Variants in PRDM7 observed in about 807,000 individuals in gnomAD.
The protein encoded by PRDM7 is histone-lysine N-methyltransferase PRDM7.
In PRDM7, 52 loss-of-function variants were observed where a neutral mutation model predicts 64.3. The observed-to-expected ratio is 0.81, with a 90% CI of 0.65 to 1.02. PRDM7 has a LOEUF of 1.02. PRDM7 is among the 50% of genes least tolerant of loss of function. The pLI is 0.00. For synonymous variants in PRDM7, 192 were observed against 210.1 expected, an observed-to-expected ratio of 0.91 and a Z score of 0.74; for missense variants, 574 against 597.1, an observed-to-expected ratio of 0.96 and a Z score of 0.40.
intron 4 of PRDM7, among the ~76,000 whole-genome samples, chr16:90,073,941 C>T (rs1212589934): frequency 6.6e-6 from 1 of 151,714 alleles, no homozygotes; most frequent in Non-Finnish European, 1.5e-5. Context: ...CATCACCATG[C>T]CCAGCTATCT....
At chr16:90,065,463 G>A (rs888207523) in intron 5 of PRDM7, among the ~76,000 whole-genome samples, 18 of 144,742 alleles carry the variant, frequency 1.2e-4, no homozygotes, top group African/African-American at 2.4e-4. Context: ...GACTGGGTGC[G>A]GTGGCTCACA....
At chr16:90,071,744 T>C (rs1172841173) in intron 4 of PRDM7, among the ~76,000 whole-genome samples, 2 of 152,188 alleles carry the variant, frequency 1.3e-5, no homozygotes, top group Non-Finnish European at 2.9e-5. Flanking sequence ...GCAATTAAGT[T>C]TCCAATACAT....
At position 90,075,088 on chromosome 16, in the gene PRDM7, G is replaced by C; in HGVS notation, c.194-65C>G. 6 of 1,544,176 alleles carry C rather than the reference G, an allele frequency of 3.9e-6. No homozygotes were observed. Among genetic ancestry groups the C allele is most frequent in the Non-Finnish European group, 4.5e-6 (5 of 1,118,658 alleles). The stretch of plus-strand genomic sequence containing the variant: ...CTGGGATGAGGAACAAAGGGCAGTG[G>C]CAATGGAAAGCACCACAAAGCCAGT... On this transcript the variant is annotated intron_variant, in intron 3 of 10. Coordinates refer to ENST00000449207, the MANE Select transcript of PRDM7 (RefSeq NM_001098173.2). This position sits in a 1 kb window ranked among gnomAD's most constrained non-coding sequence, Gnocchi z 4.3.
In PRDM7 at chr16:90,056,775, G is replaced by A. The variant is rs1338091264; in HGVS notation, c.*1514C>T. ...GTCAGAGTGGAACAGAACAGACCGG[G>A]AAGTTTCACAATGTCTTTCTATAAT... is the stretch of plus-strand genomic sequence containing the variant. On this transcript the variant is annotated 3_prime_UTR_variant, in exon 11 of 11. Coordinates refer to ENST00000449207, the MANE Select transcript of PRDM7 (RefSeq NM_001098173.2). 6.6e-6 allele frequency: 1 copy of A among 152,178 alleles called. No homozygotes were observed. The highest frequency in any genetic ancestry group is 1.5e-5 in the Non-Finnish European group (1 of 68,056). The allele number at this position is 152,178 out of a possible 1,614,324, so 9.4% of individuals were successfully genotyped here.
At chr16:90,061,895 C>G (rs775368928) in intron 8 of PRDM7, 26 bp downstream of exon 8, 1 of 1,614,114 alleles carries the variant, frequency 6.2e-7, no homozygotes. Context: ...GAAGACAGAA[C>G]AGGGGAAACA....
chr16:90,068,285 TAAATA>T (rs1214290270), intron 4 of PRDM7, among the ~76,000 whole-genome samples: 5 of 141,048 alleles, frequency 3.5e-5, no homozygotes, highest in African/African-American at 1.4e-4. Flanking sequence ...TCTAAAAAAA[TAAATA>T]AAAATAAAAA....
intron 5 of PRDM7, among the ~76,000 whole-genome samples, chr16:90,065,921 G>A (rs990834172): frequency 6.6e-6 from 1 of 151,144 alleles, no homozygotes; most frequent in Non-Finnish European, 1.5e-5. Flanking sequence ...GAGGCCCTGA[G>A]CTGGGCTTGG....
At chr16:90,061,876 G>A (rs1166346590) in intron 8 of PRDM7, 45 bp downstream of exon 8, 1 of 1,612,514 alleles carries the variant, frequency 6.2e-7, no homozygotes, top group African/African-American at 1.3e-5. Context: ...AGGCACAGAA[G>A]GGATGTGGGA....
In PRDM7 at chr16:90,056,863, C is replaced by T. The variant is rs568233643; in HGVS notation, c.*1426G>A. ...TTTAACTACCAGGCTTAGGTCAGGCCGGCCCAGGCCTGGTTTCGGGTCTGG... is the reference window on the plus strand; with the variant it reads ...TTTAACTACCAGGCTTAGGTCAGGCTGGCCCAGGCCTGGTTTCGGGTCTGG... On this transcript the variant is annotated 3_prime_UTR_variant, in exon 11 of 11. Coordinates refer to ENST00000449207, the MANE Select transcript of PRDM7 (RefSeq NM_001098173.2). The T allele has an allele frequency of 8.5e-5, 13 of 152,322 alleles. No homozygotes were observed. The highest frequency in any genetic ancestry group is 3.4e-3 in the Middle Eastern group (1 of 294). 9.4% of individuals were successfully genotyped at this position (152,322 alleles called of 1,614,324 possible).
intron 8 of PRDM7, 128 bp downstream of exon 8, chr16:90,061,793 A>T: frequency 1.4e-6 from 2 of 1,439,082 alleles, no homozygotes; most frequent in Non-Finnish European, 1.9e-6. Flanking sequence ...TCATGCAAAG[A>T]CCCTTGAGTA....
intron 4 of PRDM7, among the ~76,000 whole-genome samples, chr16:90,069,685 T>A (rs1351598027): frequency 2.0e-5 from 3 of 151,008 alleles, no homozygotes; most frequent in Admixed American, 6.6e-5. Flanking sequence ...GGTGGGAGGA[T>A]CACTTGAACC....
chr16:90,060,713 C>A (rs2037761515), intron 9 of PRDM7, 90 bp from the exon 10 acceptor site: 5 of 1,556,264 alleles, frequency 3.2e-6, no homozygotes, highest in Middle Eastern at 1.7e-4. Context: ...TAGAATGCTT[C>A]CCTGCTGTGC....
chr16:90,068,736 G>T (rs1567878807), intron 4 of PRDM7, among the ~76,000 whole-genome samples: 1 of 149,856 alleles, frequency 6.7e-6, no homozygotes, highest in African/African-American at 2.5e-5. Context: ...AATCCAAAAA[G>T]GAAATTAAGA....
chr16:90,074,929 T>C lies in PRDM7; in HGVS notation c.288A>G (p.Thr96=). Residue 96 remains threonine, a synonymous_variant, in exon 4 of 11, where the codon ACA becomes ACG. Transcript: ENST00000449207. ...CTTCCCTCTTACCTTGCTGCCTAGG[T>C]GTCCATTCTTCATCGGAATCTTCTG... ...DDTEDSDEEW[T]PRQQVKPPWM... is the part of the protein sequence containing the mutation. 2 of 1,613,912 alleles carry C rather than the reference T, an allele frequency of 1.2e-6. No homozygotes were observed. Among genetic ancestry groups the C allele is most frequent in the Non-Finnish European group, 1.7e-6 (2 of 1,179,946 alleles).
chr16:90,071,729 C>A (rs1026878289), intron 4 of PRDM7, among the ~76,000 whole-genome samples: 7 of 152,196 alleles, frequency 4.6e-5, no homozygotes, highest in Admixed American at 4.6e-4. Context: ...AATACTGTTA[C>A]AATGGCAATT....
At chr16:90,070,009 C>T (rs1038699027) in intron 4 of PRDM7, 2 of 158,076 alleles carry the variant, frequency 1.3e-5, no homozygotes, top group African/African-American at 5.0e-5. Flanking sequence ...GAGCTGAGAT[C>T]ACGCCATTGC....
chr16:90,074,039 G>A (rs1385436870), intron 4 of PRDM7, among the ~76,000 whole-genome samples: 4 of 151,942 alleles, frequency 2.6e-5, no homozygotes, highest in African/African-American at 9.7e-5. Context: ...GGTTGCCTCA[G>A]CCTCCCAAAG....
chr16:90,065,714 G>A lies in PRDM7; in HGVS notation c.351+1147C>T, dbSNP rs138873180. On this transcript the variant is annotated intron_variant, in intron 5 of 10. Coordinates refer to ENST00000449207, the MANE Select transcript of PRDM7 (RefSeq NM_001098173.2). ...TGAGCCATTGCACTGCAGCCTTGGC[G>A]CAAGAGCCAGACTCTGTCTCAAACT... 1.2e-4 allele frequency among the ~76,000 whole-genome samples: 18 copies of A among 151,408 alleles called. 2 individuals are homozygous for A. Among genetic ancestry groups the A allele is most frequent in the Middle Eastern group, 3.4e-3 (1 of 294 alleles).
intron 4 of PRDM7, among the ~76,000 whole-genome samples, chr16:90,074,710 C>G (rs1220524402): frequency 1.3e-5 from 2 of 152,116 alleles, no homozygotes; most frequent in Non-Finnish European, 2.9e-5. Context: ...CCCATATCTA[C>G]TAAACAAAAT....
Sources: gnomAD v4.1 joint callset for allele counts (sites outside exome capture counted in the v4.1 genomes callset) on GRCh38, gnomAD v4.1.1 for gene constraint, Gnocchi (gnomAD v3.1) non-coding constraint, MANE v1.5 for transcripts, NCBI Gene and HGNC (gene_info 2026-07-23, HGNC 2026-07-21) for gene names.